ATL1: variants seen among roughly 807,000 people sequenced by gnomAD.
ATL1 encodes the protein atlastin-1.
Under a neutral mutation model 75.5 loss-of-function variants are expected in ATL1, and 31 were observed. The ratio of observed to expected loss-of-function variants is 0.41; its 90% CI spans 0.31 to 0.55. The LOEUF is 0.55. ATL1 is among the 20% of genes least tolerant of loss of function. ATL1 has a pLI of 0.27. For synonymous variants in ATL1, 226 were observed against 233.3 expected (o/e 0.97, Z 0.28); for missense variants, 405 against 662.6 (o/e 0.61, Z 4.27).
intron 1 of ATL1, among the ~76,000 whole-genome samples, chr14:50,536,348 A>G (rs981456210): frequency 2.0e-5 from 3 of 152,064 alleles, no homozygotes; most frequent in Admixed American, 6.6e-5. Context: ...AGGCAGGAGA[A>G]TCGCTTGAAC....
chr14:50,614,474 A>C lies in ATL1; in HGVS notation c.825A>C (p.Lys275Asn). ...SCFLLPHPGL[K>N]VATNPNFDGK... ...TTCTGCTACCTCATCCTGGCTTAAA[A>C]GTAGCTACCAATCCAAACTTTGATG... is the stretch of plus-strand genomic sequence containing the variant. The change falls in exon 8 of 14, where the codon AAA becomes AAC. Residue 275 changes from lysine to asparagine, a missense_variant. By Grantham distance (94) the Lys-to-Asn change is moderately conservative. Around this residue, in one of 5 missense-constraint regions of ATL1, gnomAD observed 59 missense variants for 161.4 expected, o/e 0.37. Transcript: ENST00000358385. 2 of 1,614,012 alleles carry C rather than the reference A, an allele frequency of 1.2e-6. No individual in the cohort carries two copies. Among genetic ancestry groups the C allele is most frequent in the Non-Finnish European group, 1.7e-6 (2 of 1,179,948 alleles).
intron 1 of ATL1, among the ~76,000 whole-genome samples, chr14:50,547,214 G>A (rs888331847): frequency 7.2e-5 from 11 of 152,128 alleles, no homozygotes; most frequent in Non-Finnish European, 1.2e-4. Context: ...TGCTAAAAAC[G>A]AATGAATTGG....
chr14:50,592,629 T>C (rs1242053963), intron 4 of ATL1, among the ~76,000 whole-genome samples: 1 of 151,944 alleles, frequency 6.6e-6, no homozygotes, highest in East Asian at 1.9e-4. Context: ...TTATATATAT[T>C]GGCCAGGCAC....
intron 11 of ATL1, among the ~76,000 whole-genome samples, chr14:50,626,493 T>C (rs936145359): frequency 6.6e-6 from 1 of 152,170 alleles, no homozygotes; most frequent in Non-Finnish European, 1.5e-5. Context: ...TGACTCAATT[T>C]TGTATTCTCT....
At chr14:50,576,776 T>G (rs2039009525) in intron 1 of ATL1, among the ~76,000 whole-genome samples, 1 of 152,138 alleles carries the variant, frequency 6.6e-6, no homozygotes, top group Non-Finnish European at 1.5e-5. Context: ...GGCACCTTGC[T>G]GTGTTGCCTA....
At chr14:50,623,302 C>T in intron 11 of ATL1, 54 bp downstream of exon 11, 1 of 1,412,724 alleles carries the variant, frequency 7.1e-7, no homozygotes, top group East Asian at 2.3e-5. Flanking sequence ...ATCCTTCATG[C>T]AACTCATTCT....
chr14:50,620,565 C>A, intron 8 of ATL1, 34 bp from the exon 9 acceptor site: 2 of 1,595,578 alleles, frequency 1.3e-6, no homozygotes, highest in African/African-American at 1.3e-5. Flanking sequence ...GGGAAGGATT[C>A]CAAAAATAAT....
upstream of ATL1, among the ~76,000 whole-genome samples, chr14:50,558,321 T>G (rs1194555437): frequency 3.3e-5 from 5 of 152,186 alleles, no homozygotes; most frequent in Non-Finnish European, 1.5e-5. Flanking sequence ...ATCACGCCAC[T>G]GCACTCCGGC....
chr14:50,558,231 C>T (rs1236127188), upstream of ATL1, among the ~76,000 whole-genome samples: 2 of 152,070 alleles, frequency 1.3e-5, no homozygotes, highest in African/African-American at 2.4e-5. Flanking sequence ...TGCTGGCGAC[C>T]GCCAGTAATC....
chr14:50,572,678 G>A (rs888514339), intron 1 of ATL1, among the ~76,000 whole-genome samples: 35 of 151,786 alleles, frequency 2.3e-4, no homozygotes, highest in Admixed American at 1.3e-3. Context: ...TACTGAGCTC[G>A]TACATTTTCA....
rs79816093 is a variant in ATL1 at position 50,572,549 on chromosome 14, C to G, written c.34+12250C>G. On this transcript the variant is annotated intron_variant, in intron 1 of 13. Transcript: ENST00000358385. ...TTTATGTGTACCTTCCTTAGTATAT[C>G]TTTTATCATGTGATTTCTCCTTTTT... 8.0e-3 allele frequency among the ~76,000 whole-genome samples: 1,211 copies of G among 152,092 alleles called. 9 individuals carry two copies. The highest frequency in any genetic ancestry group is 0.027 in the African/African-American group (1,131 of 41,528).
In ATL1 at chr14:50,614,527, T is replaced by C; in HGVS notation, c.862+16T>C. 6.2e-7 allele frequency: 1 copy of C among 1,612,808 alleles called. No homozygotes were observed. Among genetic ancestry groups the C allele is most frequent in the South Asian group, 1.1e-5 (1 of 90,994 alleles). On this transcript the variant is annotated intron_variant, in intron 8 of 13. Coordinates refer to ENST00000358385, the MANE Select transcript of ATL1 (RefSeq NM_015915.5). ...AAATTGAAAGGTTTGTGTCTTTTAATGAATATGTTTGCATCACTTAGTCTG... is the reference window on the plus strand; with the variant it reads ...AAATTGAAAGGTTTGTGTCTTTTAACGAATATGTTTGCATCACTTAGTCTG...
chr14:50,550,429 T>G (rs1448516322), intron 1 of ATL1, among the ~76,000 whole-genome samples: 1 of 152,232 alleles, frequency 6.6e-6, no homozygotes, highest in African/African-American at 2.4e-5. Context: ...AGGCTGTGAC[T>G]ACAGCAGCGG....
intron 4 of ATL1, among the ~76,000 whole-genome samples, chr14:50,592,929 A>AAATATATAT (rs562590227): frequency 8.8e-6 from 1 of 113,880 alleles, no homozygotes; most frequent in African/African-American, 3.5e-5. Flanking sequence ...AAAAAAAAAA[A>AAATATATAT]ATATATATAT....
intron 1 of ATL1, 194 bp downstream of exon 1, chr14:50,560,493 CT>C (rs1166804635): frequency 1.3e-5 from 9 of 712,300 alleles, no homozygotes. Context: ...CCGAATCGCG[CT>C]GTCGGGGTGA....
intron 11 of ATL1, among the ~76,000 whole-genome samples, chr14:50,625,557 T>C (rs2039510333): frequency 6.6e-6 from 1 of 152,190 alleles, no homozygotes; most frequent in African/African-American, 2.4e-5. Flanking sequence ...AGGCTGACTT[T>C]CTTGTAGCTG....
chr14:50,613,139 A>T, intron 6 of ATL1, 120 bp from the exon 7 acceptor site: 1 of 790,540 alleles, frequency 1.3e-6, no homozygotes, highest in Non-Finnish European at 2.2e-6. Flanking sequence ...TTTGATTTTT[A>T]ATTCAGCAAT....
intron 1 of ATL1, among the ~76,000 whole-genome samples, chr14:50,539,501 A>C: frequency 6.6e-6 from 1 of 152,344 alleles, no homozygotes; most frequent in South Asian, 2.1e-4. Flanking sequence ...GGGCCTGACT[A>C]TAAAGGCTTT....
chr14:50,597,997 T>C (rs2039237553), intron 6 of ATL1, among the ~76,000 whole-genome samples: 1 of 152,052 alleles, frequency 6.6e-6, no homozygotes, highest in Admixed American at 6.6e-5. Context: ...ACCCGGCCAA[T>C]AGCGTTTCTT....
Sources: allele counts gnomAD v4.1 joint callset (sites outside exome capture counted in the v4.1 genomes callset), GRCh38; gene constraint gnomAD v4.1.1; regional missense constraint gnomAD v4.1.1; transcripts MANE v1.5; gene names NCBI Gene and HGNC (gene_info 2026-07-23, HGNC 2026-07-21).